NDUFAF2: variants seen among roughly 807,000 people sequenced by gnomAD.
NDUFAF2 encodes NADH dehydrogenase [ubiquinone] 1 alpha subcomplex assembly factor 2.
In NDUFAF2, 13 loss-of-function variants were observed where a neutral mutation model predicts 22.8. The ratio of observed to expected loss-of-function variants is 0.57; its 90% CI spans 0.37 to 0.91. NDUFAF2 has a LOEUF of 0.91. NDUFAF2 is among the 40% of genes least tolerant of loss of function. NDUFAF2 has a pLI of 0.01. For missense variants in NDUFAF2, 162 were observed against 195.2 expected, an observed-to-expected ratio of 0.83 and a Z score of 1.01; for synonymous variants, 53 against 64.2, an observed-to-expected ratio of 0.83 and a Z score of 0.84.
chr5:60,970,285 A>T (rs1371360132), intron 1 of NDUFAF2, among the ~76,000 whole-genome samples: 2 of 152,078 alleles, frequency 1.3e-5, no homozygotes, highest in Non-Finnish European at 2.9e-5. Flanking sequence ...TTTGATAGGG[A>T]TTGCATTAAA....
chr5:61,076,755 G>A (rs11951606), intron 2 of NDUFAF2, among the ~76,000 whole-genome samples: 20,903 of 152,146 alleles, frequency 0.14, 1,772 homozygotes, highest in South Asian at 0.26. Flanking sequence ...ATAGACTTAG[G>A]GGAACATAGG....
At chr5:61,006,972 T>C (rs290508) in intron 1 of NDUFAF2, among the ~76,000 whole-genome samples, 22,563 of 152,156 alleles carry the variant, frequency 0.15, 2,120 homozygotes, top group South Asian at 0.28. Context: ...ACGGATTTTT[T>C]TTCTTGTAAA....
intron 1 of NDUFAF2, among the ~76,000 whole-genome samples, chr5:61,070,834 A>G (rs1255313442): frequency 6.6e-6 from 1 of 152,154 alleles, no homozygotes; most frequent in Non-Finnish European, 1.5e-5. Context: ...ATGGATGTAC[A>G]TTTAAAAACT....
intron 3 of NDUFAF2, among the ~76,000 whole-genome samples, chr5:61,142,373 A>G (rs1264520247): frequency 6.6e-6 from 1 of 152,198 alleles, no homozygotes; most frequent in African/African-American, 2.4e-5. Context: ...GGTTCAAAGA[A>G]AGAAAACTTA....
chr5:60,993,817 C>G (rs1455388572), intron 1 of NDUFAF2, among the ~76,000 whole-genome samples: 1 of 152,154 alleles, frequency 6.6e-6, no homozygotes, highest in Admixed American at 6.5e-5. Flanking sequence ...CTGGCTGAGC[C>G]CAGGGCTTTT....
At chr5:60,982,781 T>G (rs887073405) in intron 1 of NDUFAF2, among the ~76,000 whole-genome samples, 1 of 152,094 alleles carries the variant, frequency 6.6e-6, no homozygotes, top group African/African-American at 2.4e-5. Flanking sequence ...TGCCACATTT[T>G]CTTAATCCAG....
At chr5:60,983,926 A>G (rs1751029333) in intron 1 of NDUFAF2, among the ~76,000 whole-genome samples, 1 of 152,092 alleles carries the variant, frequency 6.6e-6, no homozygotes, top group Non-Finnish European at 1.5e-5. Context: ...GTTTTTTCCA[A>G]TTCTGTAAAG....
intron 1 of NDUFAF2, among the ~76,000 whole-genome samples, chr5:60,953,515 A>G (rs891106527): frequency 2.6e-5 from 4 of 152,074 alleles, no homozygotes; most frequent in Non-Finnish European, 5.9e-5. Flanking sequence ...CTTTCACCAC[A>G]GTTTTGTAGC....
intron 1 of NDUFAF2, among the ~76,000 whole-genome samples, chr5:60,969,180 G>A (rs1056429083): frequency 1.3e-5 from 2 of 152,078 alleles, no homozygotes; most frequent in African/African-American, 4.8e-5. Context: ...ACATGGGAGT[G>A]GAGATATCTC....
chr5:60,945,627 C>T (rs1013303030), intron 1 of NDUFAF2, among the ~76,000 whole-genome samples: 1 of 152,236 alleles, frequency 6.6e-6, no homozygotes, highest in Admixed American at 6.5e-5. Context: ...CAGCGCCTTC[C>T]CCCGGCGTGC....
intron 2 of NDUFAF2, among the ~76,000 whole-genome samples, chr5:61,081,143 G>C (rs1752437070): frequency 6.6e-6 from 1 of 152,060 alleles, no homozygotes; most frequent in Non-Finnish European, 1.5e-5. Flanking sequence ...GACTATGGAT[G>C]TGTCTATTTC....
intron 1 of NDUFAF2, among the ~76,000 whole-genome samples, chr5:60,964,336 T>C (rs1236549053): frequency 6.6e-6 from 1 of 152,156 alleles, no homozygotes; most frequent in Non-Finnish European, 1.5e-5. Context: ...TGTTTTGATA[T>C]ATGTATATAT....
At chr5:61,074,189 C>T (rs571176269) in intron 2 of NDUFAF2, among the ~76,000 whole-genome samples, 28 of 152,286 alleles carry the variant, frequency 1.8e-4, no homozygotes, top group South Asian at 1.2e-3. Context: ...TGGTGACTCA[C>T]GCCTGTAATC....
intron 2 of NDUFAF2, among the ~76,000 whole-genome samples, chr5:61,094,715 A>G (rs1752616871): frequency 6.6e-6 from 1 of 152,132 alleles, no homozygotes; most frequent in Non-Finnish European, 1.5e-5. Flanking sequence ...TCAGTTTTCC[A>G]TAGGGCTACT....
chr5:61,054,153 A>T (rs1019580513), intron 1 of NDUFAF2, among the ~76,000 whole-genome samples: 1 of 152,124 alleles, frequency 6.6e-6, no homozygotes, highest in Non-Finnish European at 1.5e-5. Context: ...GTGAGTCATG[A>T]TCACACCACT....
chr5:60,984,879 G>C (rs947233224), intron 1 of NDUFAF2, among the ~76,000 whole-genome samples: 1 of 152,096 alleles, frequency 6.6e-6, no homozygotes, highest in Non-Finnish European at 1.5e-5. Context: ...TCTCTGCCAG[G>C]CTTTGTTATC....
At chr5:60,989,957 G>A (rs1751136644) in intron 1 of NDUFAF2, among the ~76,000 whole-genome samples, 1 of 152,004 alleles carries the variant, frequency 6.6e-6, no homozygotes, top group African/African-American at 2.4e-5. Flanking sequence ...ATAAAATGGA[G>A]TACTATTAAG....
chr5:61,078,048 C>G (rs1389166042), intron 2 of NDUFAF2, among the ~76,000 whole-genome samples: 1 of 152,112 alleles, frequency 6.6e-6, no homozygotes, highest in Non-Finnish European at 1.5e-5. Context: ...CATTACTTCC[C>G]TTTGTAAGCT....
intron 2 of NDUFAF2, among the ~76,000 whole-genome samples, chr5:61,079,260 T>C (rs1350926892): frequency 6.6e-6 from 1 of 152,216 alleles, no homozygotes; most frequent in Non-Finnish European, 1.5e-5. Context: ...ATTCAACATG[T>C]CTTTCTCAGG....
Sources: allele counts gnomAD v4.1 joint callset (sites outside exome capture counted in the v4.1 genomes callset), GRCh38; gene constraint gnomAD v4.1.1; transcripts MANE v1.5; gene names NCBI Gene and HGNC (gene_info 2026-07-23, HGNC 2026-07-21).